CCDC82: variants seen among roughly 807,000 people sequenced by gnomAD.
CCDC82 encodes the protein coiled-coil domain-containing protein 82.
A neutral mutation model predicts 60.6 loss-of-function variants in CCDC82; 47 were observed. That is an observed-to-expected ratio of 0.77 (90% CI 0.61 to 0.99). The LOEUF is 0.99. Among genes scored for constraint, CCDC82 ranks in the 50% least tolerant of loss-of-function variants. The pLI is 0.00. For missense variants in CCDC82, 588 were observed against 633.0 expected, an observed-to-expected ratio of 0.93 and a Z score of 0.76; for synonymous variants, 212 against 207.4, an observed-to-expected ratio of 1.02 and a Z score of -0.19.
chr11:96,358,705 T>A, intron 9 of CCDC82: 1 of 1,178,308 alleles, frequency 8.5e-7, no homozygotes, highest in Non-Finnish European at 1.1e-6. Flanking sequence ...AATATATATG[T>A]AAGCAATACA....
chr11:96,381,943 C>T (rs1459633955), intron 5 of CCDC82: 1 of 151,888 alleles, frequency 6.6e-6, no homozygotes, highest in Non-Finnish European at 1.5e-5. Flanking sequence ...GTAATCATTA[C>T]TGTCATTACC....
chr11:96,364,950 T>G, intron 8 of CCDC82, 30 bp downstream of exon 8: 1 of 1,553,432 alleles, frequency 6.4e-7, no homozygotes, highest in Non-Finnish European at 8.7e-7. Context: ...TTCTAAATAC[T>G]GAAAATTAAG....
intron 6 of CCDC82, among the ~76,000 whole-genome samples, chr11:96,372,978 GATTCT>G (rs1317481009): frequency 2.0e-5 from 3 of 151,952 alleles, no homozygotes; most frequent in African/African-American, 2.4e-5. Context: ...GACAAAAAGG[GATTCT>G]ATTCTAAGAA....
chr11:96,385,042 A>G, intron 3 of CCDC82: 1 of 231,490 alleles, frequency 4.3e-6, no homozygotes, highest in Admixed American at 5.3e-5. Flanking sequence ...ATTATTATCT[A>G]TATGTAGAAC....
intron 9 of CCDC82, chr11:96,356,609 T>A: frequency 3.1e-6 from 3 of 977,006 alleles, no homozygotes; most frequent in Non-Finnish European, 3.6e-6. Context: ...TTAGAGTATG[T>A]TATTGAACTC....
chr11:96,386,813 A>C (rs907846979), intron 2 of CCDC82: 1 of 152,252 alleles, frequency 6.6e-6, no homozygotes, highest in Non-Finnish European at 1.5e-5. Flanking sequence ...AAAGGCTTAT[A>C]TTAAAATCAG....
At chr11:96,380,270 A>T (rs1340379824) in intron 5 of CCDC82, among the ~76,000 whole-genome samples, 1 of 151,810 alleles carries the variant, frequency 6.6e-6, no homozygotes, top group Non-Finnish European at 1.5e-5. Flanking sequence ...TCAAAGGAGG[A>T]AAGGCATGAA....
chr11:96,380,414 T>A (rs766471958), intron 5 of CCDC82: 2 of 151,746 alleles, frequency 1.3e-5, no homozygotes, highest in Non-Finnish European at 3.0e-5. Context: ...CATAAAAACA[T>A]ATACATCTTC....
intron 9 of CCDC82, chr11:96,358,674 A>T: frequency 7.8e-7 from 1 of 1,276,300 alleles, no homozygotes; most frequent in Non-Finnish European, 9.8e-7. Flanking sequence ...GTCAAAAAAA[A>T]AAAAAAAAAT....
chr11:96,357,217 T>C (rs1055535072), intron 9 of CCDC82: 15 of 985,200 alleles, frequency 1.5e-5, no homozygotes, highest in Admixed American at 6.1e-5. Flanking sequence ...TGGGTTTATA[T>C]TGGCTATAAA....
At chr11:96,356,348 T>C (rs1565297229) in intron 9 of CCDC82, 1 of 630,168 alleles carries the variant, frequency 1.6e-6, no homozygotes, top group Non-Finnish European at 2.0e-6. Context: ...TAAATTATTA[T>C]GTATATGACA....
intron 9 of CCDC82, chr11:96,357,023 G>A (rs1433490237): frequency 1.0e-6 from 1 of 985,342 alleles, no homozygotes; most frequent in Non-Finnish European, 1.2e-6. Flanking sequence ...CTGAGCCCCA[G>A]GCATTCTAAA....
intron 7 of CCDC82, among the ~76,000 whole-genome samples, chr11:96,367,954 G>A (rs1158002584): frequency 6.6e-6 from 1 of 151,218 alleles, no homozygotes; most frequent in African/African-American, 2.4e-5. Context: ...CCCAGTAGCT[G>A]GAATTACAGG....
At chr11:96,355,105 A>G (rs1028809522) in intron 9 of CCDC82, 7 of 152,246 alleles carry the variant, frequency 4.6e-5, no homozygotes, top group Non-Finnish European at 7.3e-5. Context: ...TTTATTAGAT[A>G]TAAGTAAAGT....
At chr11:96,376,935 A>C (rs1865606933) in intron 5 of CCDC82, among the ~76,000 whole-genome samples, 1 of 152,168 alleles carries the variant, frequency 6.6e-6, no homozygotes, top group Non-Finnish European at 1.5e-5. Flanking sequence ...CTGGGAGATA[A>C]GCTTCCTGGG....
chr11:96,372,709 T>C (rs1015467970), intron 6 of CCDC82, among the ~76,000 whole-genome samples: 10 of 144,884 alleles, frequency 6.9e-5, no homozygotes, highest in African/African-American at 2.5e-4. Flanking sequence ...AATATATATA[T>C]ACATATATAT....
intron 5 of CCDC82, among the ~76,000 whole-genome samples, chr11:96,375,239 C>T (rs1421387383): frequency 6.6e-6 from 1 of 152,118 alleles, no homozygotes; most frequent in African/African-American, 2.4e-5. Flanking sequence ...CTGAAGGTAT[C>T]ATTCTTGAAT....
intron 7 of CCDC82, among the ~76,000 whole-genome samples, chr11:96,367,511 G>C (rs572509195): frequency 6.6e-6 from 1 of 152,276 alleles, no homozygotes. Flanking sequence ...TTTTTATCAT[G>C]AGATTGCAGC....
intron 3 of CCDC82, chr11:96,385,450 TAAA>T: frequency 6.6e-6 from 1 of 152,328 alleles, no homozygotes. Context: ...AGAAATGATA[TAAA>T]GTATAAAAGA....
Sources: allele counts gnomAD v4.1 joint callset (sites outside exome capture counted in the v4.1 genomes callset), GRCh38; gene constraint gnomAD v4.1.1; transcripts MANE v1.5; gene names NCBI Gene and HGNC (gene_info 2026-07-23, HGNC 2026-07-21).